Variants in CELF2 observed in about 807,000 individuals in gnomAD.
CELF2 encodes the protein CUGBP Elav-like family member 2.
A neutral mutation model predicts 62.6 loss-of-function variants in CELF2; 8 were observed. The ratio of observed to expected loss-of-function variants is 0.13; its 90% confidence interval spans 0.07 to 0.23. The LOEUF is 0.23. Among genes scored for constraint, CELF2 ranks in the 10% least tolerant of loss-of-function variants. The probability of loss-of-function intolerance (pLI) is 1.00; values close to 1 mark genes in which losing one functional copy is unlikely to be tolerated. For missense variants in CELF2, 333 were observed against 671.0 expected (o/e 0.50, Z 5.56); for synonymous variants, 258 against 250.0 (o/e 1.03, Z -0.30).
At chr10:10,677,960 A>G in the CELF2 span, among the ~76,000 whole-genome samples, 1 of 152,276 alleles carries the variant, frequency 6.6e-6, no homozygotes, top group African/African-American at 2.4e-5. Flanking sequence ...AATCTGGGTG[A>G]CTTTTGAAAG....
At chr10:11,097,137 T>C (rs2050116055) in intron 1 of CELF2, 1 of 152,202 alleles carries the variant, frequency 6.6e-6, no homozygotes, top group African/African-American at 2.4e-5. Context: ...TTTTAGTTAA[T>C]GCAATTTAGT....
chr10:10,811,492 G>A (rs111844798), intron 1 of CELF2, among the ~76,000 whole-genome samples: 1,697 of 152,170 alleles, frequency 0.011, 33 homozygotes, highest in African/African-American at 0.039. Context: ...GGGGAGAGGG[G>A]CCCTGGTCTT....
chr10:10,706,287 C>G, the CELF2 span, among the ~76,000 whole-genome samples: 3 of 152,174 alleles, frequency 2.0e-5, no homozygotes, highest in African/African-American at 7.2e-5. Flanking sequence ...TCACACAGTA[C>G]CTAGCTGGCA....
At chr10:11,012,944 C>T (rs2056706396), upstream of CELF2, among the ~76,000 whole-genome samples, 1 of 151,966 alleles carries the variant, frequency 6.6e-6, no homozygotes, top group South Asian at 2.1e-4. This position sits in a 1 kb window ranked among gnomAD's most constrained non-coding sequence, Gnocchi z 5.5. Context: ...TTTTCTTCTC[C>T]CCACCCCTTC....
At chr10:10,862,785 A>C (rs2133157419) in intron 1 of CELF2, among the ~76,000 whole-genome samples, 1 of 152,348 alleles carries the variant, frequency 6.6e-6, no homozygotes, top group Admixed American at 6.5e-5. Flanking sequence ...TCCCATGAAG[A>C]CTATGGAATA....
chr10:11,142,923 T>G (rs147749323), intron 1 of CELF2, among the ~76,000 whole-genome samples: 7,599 of 139,690 alleles, frequency 0.054, 249 homozygotes, highest in African/African-American at 0.083. Context: ...CCACTGGGGT[T>G]ACTCAGTCCC....
chr10:10,847,845 C>A (rs997219476), intron 1 of CELF2, among the ~76,000 whole-genome samples: 5 of 152,172 alleles, frequency 3.3e-5, no homozygotes, highest in African/African-American at 4.8e-5. Context: ...GATTTTATAG[C>A]ATTATCTGTG....
chr10:10,582,423 T>C, the CELF2 span, among the ~76,000 whole-genome samples: 1 of 152,226 alleles, frequency 6.6e-6, no homozygotes, highest in Non-Finnish European at 1.5e-5. Flanking sequence ...AGATTATATT[T>C]TTTCATAGAA....
At chr10:10,692,346 C>T in the CELF2 span, among the ~76,000 whole-genome samples, 2 of 151,492 alleles carry the variant, frequency 1.3e-5, no homozygotes, top group Non-Finnish European at 1.5e-5. Context: ...TCTGAGGGCT[C>T]TGTTCTGTTC....
the CELF2 span, among the ~76,000 whole-genome samples, chr10:10,685,025 G>A: frequency 2.0e-5 from 3 of 152,116 alleles, no homozygotes; most frequent in Non-Finnish European, 4.4e-5. Context: ...AACCACCGGA[G>A]ACCAAAATGT....
chr10:11,193,481 G>T (rs919771196), intron 2 of CELF2, among the ~76,000 whole-genome samples: 1 of 152,202 alleles, frequency 6.6e-6, no homozygotes, highest in Admixed American at 6.5e-5. Flanking sequence ...GCCAAAGAAG[G>T]TTCTGTACAA....
rs1260318625 is a variant in CELF2, at chr10:11,237,979, G to A, written c.355-11174G>A. Among the ~76,000 whole-genome samples, 5 of 152,182 alleles carry A rather than the reference G, an allele frequency of 3.3e-5. No homozygotes were observed. The highest frequency in any genetic ancestry group is 1.3e-4 in the Admixed American group (2 of 15,284). ...ATGAGCCACCAGGTAATTAAACCAC[G>A]CCTTTAGTCGCCTTTAATGGCCAGG... is the stretch of plus-strand genomic sequence containing the variant. On this transcript the variant is annotated intron_variant, in intron 3 of 12. Coordinates refer to ENST00000633077, the MANE Select transcript of CELF2 (RefSeq NM_001326342.2). The surrounding 1 kb of genome is among the most constrained non-coding windows in gnomAD (Gnocchi z 4.0).
chr10:10,720,001 T>C, the CELF2 span, among the ~76,000 whole-genome samples: 17 of 152,232 alleles, frequency 1.1e-4, no homozygotes, highest in African/African-American at 4.1e-4. Context: ...AATATCATCA[T>C]TTCCTCCTAT....
intron 1 of CELF2, among the ~76,000 whole-genome samples, chr10:10,894,324 G>A (rs2062384848): frequency 6.6e-6 from 1 of 152,188 alleles, no homozygotes; most frequent in Admixed American, 6.5e-5. Flanking sequence ...GATTTCCGAT[G>A]ATGAATCCTC....
intron 1 of CELF2, among the ~76,000 whole-genome samples, chr10:10,835,483 A>G (rs2058212429): frequency 6.6e-6 from 1 of 151,138 alleles, no homozygotes; most frequent in African/African-American, 2.4e-5. Flanking sequence ...CCCGGGTTCT[A>G]GCGATTCTCC....
intron 1 of CELF2, among the ~76,000 whole-genome samples, chr10:11,139,346 T>C (rs1207341862): frequency 1.3e-5 from 2 of 152,250 alleles, no homozygotes; most frequent in Non-Finnish European, 2.9e-5. Flanking sequence ...TCAAGAAACA[T>C]TGTCTTTGCA....
chr10:10,802,759 A>G (rs947326477), intron 1 of CELF2, among the ~76,000 whole-genome samples: 5 of 152,198 alleles, frequency 3.3e-5, no homozygotes, highest in Admixed American at 3.3e-4. Context: ...GCTGTTGCCA[A>G]TTCCTCTTCC....
rs548548518 is a variant in CELF2 at position 10,961,413 on chromosome 10, A to T, written c.89+41414A>T. ...GGTGAATTTCTTGGTTTTAAAAATT[A>T]AAACAATGGTCTCAGTAACACGGAA... On this transcript the variant is annotated intron_variant, in intron 2 of 13. Transcript: ENST00000636488. Among the ~76,000 whole-genome samples, 9 of 152,342 alleles carry T rather than the reference A, an allele frequency of 5.9e-5. No homozygotes were observed. The South Asian group carries it at 1.9e-3, about 32-fold the overall frequency.
At chr10:11,275,358 C>A (rs1308153510) in intron 8 of CELF2, among the ~76,000 whole-genome samples, 2 of 152,182 alleles carry the variant, frequency 1.3e-5, no homozygotes, top group East Asian at 3.9e-4. Context: ...GCTGAGAAAT[C>A]CTGATTGGCA....
Sources: allele counts gnomAD v4.1 joint callset (sites outside exome capture counted in the v4.1 genomes callset), GRCh38; gene constraint gnomAD v4.1.1; non-coding constraint Gnocchi (gnomAD v3.1); transcripts MANE v1.5; gene names NCBI Gene and HGNC (gene_info 2026-07-23, HGNC 2026-07-21).